CDK14: variants seen among roughly 807,000 people sequenced by gnomAD.
CDK14 encodes the protein cyclin dependent kinase 14, also known as cyclin-dependent kinase 14.
CDK14 carries 34 observed loss-of-function variants against 60.7 expected under a neutral mutation model. The observed-to-expected ratio is 0.56, with a 90% confidence interval of 0.43 to 0.75. The LOEUF (loss-of-function observed/expected upper bound fraction) is 0.75, where lower values mean the gene tolerates loss of function less well. CDK14 is among the 30% of genes least tolerant of loss of function. CDK14 has a pLI of 0.00. For synonymous variants in CDK14, 197 were observed against 203.7 expected (o/e 0.97, Z 0.28); for missense variants, 482 against 564.1 (o/e 0.85, Z 1.47).
At chr7:90,794,608 G>A (rs1260936472) in intron 5 of CDK14, among the ~76,000 whole-genome samples, 1 of 152,216 alleles carries the variant, frequency 6.6e-6, no homozygotes, top group East Asian at 1.9e-4. Context: ...CTGTCAGGCA[G>A]CCAGACCTAA....
intron 5 of CDK14, among the ~76,000 whole-genome samples, chr7:90,791,996 C>T (rs902708633): frequency 3.3e-5 from 5 of 151,446 alleles, no homozygotes; most frequent in South Asian, 2.1e-4. Context: ...TCTGTCTCCC[C>T]GGTTCAAGCA....
chr7:91,095,655 A>G lies in CDK14; in HGVS notation c.1154+16175A>G, dbSNP rs1798961471. 3.3e-5 allele frequency among the ~76,000 whole-genome samples: 5 copies of G among 152,196 alleles called. No homozygotes were observed. The South Asian group carries it at 1.0e-3, about 31-fold the overall frequency. ...GCAACTCAGTGGAATATTACACAAC[A>G]ATGTTAGGAAATTACGTATGGAGAT... On this transcript the variant is annotated intron_variant, in intron 12 of 14. Transcript: ENST00000380050.
intron 4 of CDK14, among the ~76,000 whole-genome samples, chr7:90,778,458 C>T (rs976809268): frequency 4.6e-5 from 7 of 152,218 alleles, no homozygotes; most frequent in South Asian, 2.1e-4. Flanking sequence ...AGCTTTCTGA[C>T]TGCCCTTCCG....
chr7:90,685,602 C>T (rs1016616534), intron 2 of CDK14, among the ~76,000 whole-genome samples: 1 of 151,704 alleles, frequency 6.6e-6, no homozygotes, highest in Non-Finnish European at 1.5e-5. Context: ...CTTCAGCCTC[C>T]CAACTAGATA....
At chr7:90,775,621 TCCTCCCCCTCCCCCTTCC>T (rs6150227) in intron 4 of CDK14, among the ~76,000 whole-genome samples, 19,763 of 79,124 alleles carry the variant, frequency 0.25, 1,787 homozygotes, top group Middle Eastern at 0.35. Context: ...AAATACCTCC[TCCTCCCCCTCCCCCTTCC>T]CCTCCCCCTT....
chr7:90,786,181 C>G (rs1463655261), intron 4 of CDK14, among the ~76,000 whole-genome samples: 4 of 152,164 alleles, frequency 2.6e-5, no homozygotes, highest in African/African-American at 7.2e-5. Flanking sequence ...TAAAATGGCT[C>G]TCTATACAGC....
intron 4 of CDK14, among the ~76,000 whole-genome samples, chr7:90,760,688 A>G (rs576328831): frequency 6.6e-6 from 1 of 152,372 alleles, no homozygotes; most frequent in Non-Finnish European, 1.5e-5. Context: ...CAATGAAAAT[A>G]ACATCACAGT....
intron 11 of CDK14, among the ~76,000 whole-genome samples, chr7:91,064,965 A>G (rs1322075743): frequency 6.6e-6 from 1 of 152,194 alleles, no homozygotes; most frequent in Admixed American, 6.5e-5. Context: ...TTAGGTAGAG[A>G]AAGGTGTAGA....
chr7:90,720,182 A>G (rs1332774112), intron 2 of CDK14, among the ~76,000 whole-genome samples: 1 of 152,204 alleles, frequency 6.6e-6, no homozygotes, highest in African/African-American at 2.4e-5. Context: ...AAGAATAATT[A>G]CAGTCTAAGG....
chr7:91,165,130 A>C (rs918779353), intron 14 of CDK14, among the ~76,000 whole-genome samples: 1 of 152,226 alleles, frequency 6.6e-6, no homozygotes, highest in Admixed American at 6.5e-5. Flanking sequence ...ACGCTCTAAT[A>C]GTACATTGCA....
chr7:91,171,234 C>T (rs1801507748), intron 14 of CDK14, among the ~76,000 whole-genome samples: 1 of 151,806 alleles, frequency 6.6e-6, no homozygotes, highest in Non-Finnish European at 1.5e-5. Context: ...CCTGTAATCC[C>T]GGCTACTCAG....
chr7:91,102,497 C>A (rs567786619), intron 12 of CDK14, among the ~76,000 whole-genome samples: 2 of 152,046 alleles, frequency 1.3e-5, no homozygotes, highest in South Asian at 2.1e-4. Flanking sequence ...ACAATAAATT[C>A]CAGTGGAGAG....
At chr7:90,975,740 C>G (rs1795051612) in intron 9 of CDK14, among the ~76,000 whole-genome samples, 1 of 152,038 alleles carries the variant, frequency 6.6e-6, no homozygotes, top group Non-Finnish European at 1.5e-5. Context: ...CTTTTTACTT[C>G]TATGACATTG....
Position 90,780,923 on chromosome 7 carries a change from T to C in CDK14, c.465-9650T>C, listed in dbSNP as rs1259100342. ...AATCCTTTGGGTATATACCCAGTAA[T>C]GGGATGGCTGGGTCAAATGGTATTT... is the stretch of plus-strand genomic sequence containing the variant. On this transcript the variant is annotated intron_variant, in intron 4 of 14. Coordinates refer to ENST00000380050, the MANE Select transcript of CDK14 (RefSeq NM_001287135.2). 4.6e-5 allele frequency among the ~76,000 whole-genome samples: 7 copies of C among 152,126 alleles called. No homozygotes were observed. In the East Asian group the frequency reaches 1.4e-3, roughly 29 times the overall value.
At chr7:90,934,362 A>G (rs566190526) in intron 8 of CDK14, among the ~76,000 whole-genome samples, 69 of 152,374 alleles carry the variant, frequency 4.5e-4, no homozygotes, top group Admixed American at 3.8e-3. Flanking sequence ...GCCTGAGTGA[A>G]TAAGTCCTGG....
At chr7:90,668,179 T>TA (rs1346659112) in intron 2 of CDK14, among the ~76,000 whole-genome samples, 2 of 152,230 alleles carry the variant, frequency 1.3e-5, no homozygotes, top group Non-Finnish European at 2.9e-5. Flanking sequence ...TCCTTACCAA[T>TA]ACCTGTTGTC....
intron 8 of CDK14, 150 bp downstream of exon 8, chr7:90,917,874 T>A (rs1320198508): frequency 9.0e-6 from 6 of 667,468 alleles, no homozygotes; most frequent in East Asian, 8.4e-5. Context: ...TTCTTTTTTT[T>A]AATGATAGCA....
At chr7:90,712,796 A>T (rs913219752) in intron 2 of CDK14, among the ~76,000 whole-genome samples, 1 of 152,138 alleles carries the variant, frequency 6.6e-6, no homozygotes, top group Non-Finnish European at 1.5e-5. Context: ...CATTATTAAC[A>T]TTTGAATTTC....
At chr7:90,841,887 C>T (rs914696921) in intron 5 of CDK14, among the ~76,000 whole-genome samples, 5 of 152,082 alleles carry the variant, frequency 3.3e-5, no homozygotes, top group Non-Finnish European at 5.9e-5. Context: ...GCCTTTAATA[C>T]AGGTACCATC....
Sources: gnomAD v4.1 joint callset for allele counts (sites outside exome capture counted in the v4.1 genomes callset) on GRCh38, gnomAD v4.1.1 for gene constraint, MANE v1.5 for transcripts, NCBI Gene and HGNC (gene_info 2026-07-23, HGNC 2026-07-21) for gene names.